NGEF: variants seen among roughly 807,000 people sequenced by gnomAD.
NGEF encodes the protein neuronal guanine nucleotide exchange factor.
A neutral mutation model predicts 80.9 loss-of-function variants in NGEF; 31 were observed. That is an observed-to-expected ratio of 0.38 (90% CI 0.29 to 0.52). The LOEUF (loss-of-function observed/expected upper bound fraction) is 0.52, where lower values mean the gene tolerates loss of function less well. Among genes scored for constraint, NGEF ranks in the 20% least tolerant of loss-of-function variants. The pLI, the probability that NGEF is intolerant of heterozygous loss-of-function variation, is 0.84. For synonymous variants in NGEF, 371 were observed against 370.2 expected (o/e 1.00, Z -0.03); for missense variants, 709 against 926.2 (o/e 0.77, Z 3.04).
intron 14 of NGEF, 92 bp downstream of exon 14, chr2:232,881,054 A>G (rs1691485356): frequency 2.1e-6 from 2 of 971,922 alleles, no homozygotes; most frequent in South Asian, 1.4e-5. Context: ...CCAGCCTGTC[A>G]GACAGTGGTG....
At chr2:232,954,330 C>T (rs1467766246) in intron 3 of NGEF, among the ~76,000 whole-genome samples, 2 of 152,026 alleles carry the variant, frequency 1.3e-5, no homozygotes, top group Non-Finnish European at 2.9e-5. Context: ...AGATACCAGC[C>T]CAGCCCTGGA....
At chr2:232,909,234 T>C (rs1692642270) in intron 5 of NGEF, among the ~76,000 whole-genome samples, 1 of 152,182 alleles carries the variant, frequency 6.6e-6, no homozygotes, top group African/African-American at 2.4e-5. Context: ...TCCCTTTGAG[T>C]TTTATCTAGA....
chr2:232,883,232 G>C, intron 12 of NGEF, 79 bp downstream of exon 12: 1 of 1,479,568 alleles, frequency 6.8e-7, no homozygotes. Flanking sequence ...TGTTCCACCT[G>C]GGGACAGGCC....
At chr2:232,963,892 T>C (rs902297779) in intron 3 of NGEF, among the ~76,000 whole-genome samples, 9 of 152,240 alleles carry the variant, frequency 5.9e-5, no homozygotes, top group Middle Eastern at 6.8e-3. Context: ...GTGTTCAAGA[T>C]ATATAGAGAA....
chr2:233,012,620 G>A (rs1695236134), intron 1 of NGEF: 2 of 334,120 alleles, frequency 6.0e-6, no homozygotes, highest in Middle Eastern at 1.1e-3. Context: ...CAGGACTGGC[G>A]TCGTGGGTGT....
At chr2:233,003,863 C>T (rs539209126) in intron 1 of NGEF, among the ~76,000 whole-genome samples, 3 of 152,264 alleles carry the variant, frequency 2.0e-5, no homozygotes, top group Admixed American at 1.3e-4. Flanking sequence ...CACATGTACC[C>T]GATATTGGTG....
chr2:232,944,726 AATATATATATAT>A (rs57851903), intron 3 of NGEF, among the ~76,000 whole-genome samples: 3,213 of 108,722 alleles, frequency 0.03, 219 homozygotes, highest in African/African-American at 0.079. Flanking sequence ...GACTTTTCCG[AATATATATATAT>A]ATATATATAT....
At chr2:232,947,591 T>C (rs1267791741) in intron 3 of NGEF, among the ~76,000 whole-genome samples, 3 of 152,242 alleles carry the variant, frequency 2.0e-5, no homozygotes, top group South Asian at 2.1e-4. Flanking sequence ...CCTGCTGCCA[T>C]GTGAGATGTG....
intron 3 of NGEF, among the ~76,000 whole-genome samples, chr2:232,953,301 CAAAA>C (rs57652494): frequency 3.3e-5 from 3 of 91,240 alleles, no homozygotes; most frequent in African/African-American, 4.4e-5. Flanking sequence ...GACTCTGTGT[CAAAA>C]AAAAAAAAAA....
chr2:232,892,590 C>G lies in NGEF; in HGVS notation c.1142+308G>C, dbSNP rs1180577023. ...TTGTCCACATGACCTCACTTGACCT[C>G]AAGCTCTCTTTTCTAACTGCACAGT... On this transcript the variant is annotated intron_variant, in intron 7 of 14. Transcript: ENST00000264051. This position sits in a 1 kb window ranked among gnomAD's most constrained non-coding sequence, Gnocchi z 4.0. Among the ~76,000 whole-genome samples the G allele has an allele frequency of 6.6e-6, 1 of 152,216 alleles. No homozygotes were observed. Among genetic ancestry groups the G allele is most frequent in the Non-Finnish European group, 1.5e-5 (1 of 68,044 alleles).
Position 232,920,546 on chromosome 2 carries a change from T to C in NGEF, c.566A>G (p.Gln189Arg). Reference sequence around the variant, plus strand: ...CTGTTGCCTCCTGGTTTCGATTTCTTGGAGAGTCGATTTATCTCGGTATTC... The same window carrying C: ...CTGTTGCCTCCTGGTTTCGATTTCTCGGAGAGTCGATTTATCTCGGTATTC... ...YQEYRDKSTL[Q>R]EIETRRQQDA... Residue 189 changes from glutamine to arginine, a missense_variant, in exon 5 of 15, where the codon CAA becomes CGA. This residue lies in a region of NGEF where 283 missense variants were observed against 303.4 expected (regional missense o/e 0.93). Transcript: ENST00000264051. 3 of 1,546,624 alleles carry C rather than the reference T, an allele frequency of 1.9e-6. No homozygotes were observed. Among genetic ancestry groups the C allele is most frequent in the Non-Finnish European group, 1.7e-6 (2 of 1,144,628 alleles).
intron 3 of NGEF, among the ~76,000 whole-genome samples, chr2:232,953,172 C>T (rs1247812828): frequency 2.0e-5 from 3 of 150,722 alleles, no homozygotes; most frequent in Non-Finnish European, 3.0e-5. Flanking sequence ...TGTGGTGGCG[C>T]GTGCCTGTAA....
intron 5 of NGEF, among the ~76,000 whole-genome samples, chr2:232,900,136 T>TCA (rs61725832): frequency 2.5e-5 from 2 of 78,786 alleles, no homozygotes; most frequent in Non-Finnish European, 4.8e-5. Context: ...ACTCACATTC[T>TCA]CACACACACA....
chr2:232,949,981 T>C (rs1246201317), intron 3 of NGEF, among the ~76,000 whole-genome samples: 6 of 152,032 alleles, frequency 3.9e-5, no homozygotes, highest in Non-Finnish European at 8.8e-5. Flanking sequence ...CCGGCTAATT[T>C]CTGTATTTTT....
chr2:233,000,632 C>A (rs1191677797), intron 1 of NGEF, among the ~76,000 whole-genome samples: 2 of 151,896 alleles, frequency 1.3e-5, no homozygotes, highest in Non-Finnish European at 2.9e-5. Flanking sequence ...TGGTGGCGGG[C>A]GCCTGTAGTC....
At chr2:232,955,582 G>A (rs1693807080) in intron 3 of NGEF, among the ~76,000 whole-genome samples, 1 of 152,144 alleles carries the variant, frequency 6.6e-6, no homozygotes, top group African/African-American at 2.4e-5. Flanking sequence ...GGAGTGCAGT[G>A]GTGCGATCTC....
chr2:232,998,106 A>G (rs1425475735), intron 1 of NGEF, among the ~76,000 whole-genome samples: 3 of 152,162 alleles, frequency 2.0e-5, no homozygotes, highest in Non-Finnish European at 4.4e-5. Flanking sequence ...CTGGAGAGGA[A>G]CTGCCCTGGG....
In NGEF at chr2:232,879,189, C is replaced by T. The variant is rs1373297022; in HGVS notation, c.*300G>A. The T allele has an allele frequency of 6.6e-6, 2 of 301,296 alleles. No individual in the cohort carries two copies. The highest frequency in any genetic ancestry group is 2.1e-5 in the African/African-American group (1 of 46,996). 18.7% of individuals were successfully genotyped at this position (301,296 alleles called of 1,614,324 possible). ...CCTGGGGGCCAGGGGCATGGGGGGC[C>T]CTGGAGTGTGCCCACCCCCTTCCAC... On this transcript the variant is annotated 3_prime_UTR_variant, in exon 15 of 15. Coordinates refer to ENST00000264051, the MANE Select transcript of NGEF (RefSeq NM_019850.3).
chr2:232,889,951 C>T (rs1016768112), intron 8 of NGEF, among the ~76,000 whole-genome samples: 3 of 151,848 alleles, frequency 2.0e-5, no homozygotes, highest in Non-Finnish European at 4.4e-5. Flanking sequence ...CACTCTATAC[C>T]GTCCACTTCA....
Sources: gnomAD v4.1 joint callset for allele counts (sites outside exome capture counted in the v4.1 genomes callset) on GRCh38, gnomAD v4.1.1 for gene constraint, gnomAD v4.1.1 regional missense constraint, Gnocchi (gnomAD v3.1) non-coding constraint, MANE v1.5 for transcripts, NCBI Gene and HGNC (gene_info 2026-07-23, HGNC 2026-07-21) for gene names.